The following PARM1 variants were observed in gnomAD, a reference collection of about 807,000 sequenced individuals.
PARM1 encodes WSC4, cell wall integrity and stress response component 4 homolog.
In PARM1, 14 loss-of-function variants were observed where a neutral mutation model predicts 24.6. That is an observed-to-expected ratio of 0.57 (90% CI 0.38 to 0.89). The LOEUF (loss-of-function observed/expected upper bound fraction) is 0.89, where lower values mean the gene tolerates loss of function less well. Ranked by LOEUF, PARM1 falls within the 40% of genes least tolerant of loss-of-function variation. The pLI is 0.00. For missense variants in PARM1, 362 were observed against 380.4 expected, an observed-to-expected ratio of 0.95 and a Z score of 0.40; for synonymous variants, 179 against 156.6, an observed-to-expected ratio of 1.14 and a Z score of -1.07.
intron 1 of PARM1, among the ~76,000 whole-genome samples, chr4:74,934,373 G>A (rs146803245): frequency 4.6e-3 from 705 of 152,260 alleles, no homozygotes; most frequent in African/African-American, 0.016. Context: ...GATTCTACTC[G>A]TGCTTTAGTC....
At chr4:74,987,536 T>G (rs1038956239) in intron 1 of PARM1, among the ~76,000 whole-genome samples, 7 of 152,246 alleles carry the variant, frequency 4.6e-5, no homozygotes, top group Non-Finnish European at 8.8e-5. Flanking sequence ...TAAAAACTTC[T>G]TTTAAATTTG....
At chr4:74,998,532 C>T (rs1722618298) in intron 1 of PARM1, among the ~76,000 whole-genome samples, 1 of 152,196 alleles carries the variant, frequency 6.6e-6, no homozygotes, top group South Asian at 2.1e-4. Flanking sequence ...TTACCCACAA[C>T]ATCTCTTACA....
At chr4:74,934,992 T>C (rs1165844902) in intron 1 of PARM1, among the ~76,000 whole-genome samples, 85 of 10,874 alleles carry the variant, frequency 7.8e-3, no homozygotes, top group Non-Finnish European at 6.8e-3. Context: ...AGAAGCTCTT[T>C]TTTCTTTTTT....
intron 1 of PARM1, among the ~76,000 whole-genome samples, chr4:74,941,598 A>G (rs1483652327): frequency 6.6e-6 from 1 of 152,224 alleles, no homozygotes; most frequent in Non-Finnish European, 1.5e-5. Context: ...TCAAATTTAT[A>G]TGAATATAGT....
chr4:74,998,490 C>G (rs1053538245), intron 1 of PARM1, among the ~76,000 whole-genome samples: 4 of 152,118 alleles, frequency 2.6e-5, no homozygotes, highest in Non-Finnish European at 5.9e-5. Flanking sequence ...ATCCAGTTTC[C>G]CTTGTTACTT....
intron 2 of PARM1, among the ~76,000 whole-genome samples, chr4:75,013,796 A>G (rs571848068): frequency 4.6e-5 from 7 of 152,230 alleles, no homozygotes; most frequent in African/African-American, 1.4e-4. Flanking sequence ...ATCTGTTTTT[A>G]TTTTCCCAAT....
intron 2 of PARM1, among the ~76,000 whole-genome samples, chr4:75,022,911 G>A (rs1723114808): frequency 6.6e-6 from 1 of 152,200 alleles, no homozygotes; most frequent in African/African-American, 2.4e-5. Context: ...TATAATAGAT[G>A]CTAACTTAAT....
At position 75,046,199 on chromosome 4, in the gene PARM1, C is replaced by T. The variant is rs746316855; in HGVS notation, c.885C>T (p.Asp295=). ...ATGGAAGACTTTTGGACGACCATGACTACGGGTCCTGGGGAAACTACAACA... is the reference window on the plus strand; with the variant it reads ...ATGGAAGACTTTTGGACGACCATGATTACGGGTCCTGGGGAAACTACAACA... ...SSYGRLLDDH[D]YGSWGNYNNP... is the part of the protein sequence containing the mutation. Residue 295 remains aspartate (D), a synonymous_variant, in exon 4 of 4, where the codon GAC becomes GAT. Coordinates refer to ENST00000307428, the MANE Select transcript of PARM1 (RefSeq NM_015393.4). The T allele has an allele frequency of 2.4e-5, 38 of 1,612,956 alleles. No homozygotes were observed. The highest frequency in any genetic ancestry group is 3.1e-5 in the Non-Finnish European group (36 of 1,179,110).
intron 1 of PARM1, among the ~76,000 whole-genome samples, chr4:74,989,740 C>CTTTTGGTAAG (rs1722427277): frequency 6.6e-6 from 1 of 152,122 alleles, no homozygotes; most frequent in Non-Finnish European, 1.5e-5. Flanking sequence ...TAACCAGTCC[C>CTTTTGGTAAG]CATCCTGACT....
intron 1 of PARM1, among the ~76,000 whole-genome samples, chr4:75,000,711 C>G (rs551821271): frequency 2.0e-5 from 3 of 152,188 alleles, no homozygotes; most frequent in Admixed American, 6.5e-5. Context: ...TACAAAAGAG[C>G]CTTTAGCTTG....
chr4:75,007,907 G>C (rs1722803124), intron 1 of PARM1, among the ~76,000 whole-genome samples: 1 of 152,166 alleles, frequency 6.6e-6, no homozygotes, highest in African/African-American at 2.4e-5. Context: ...CAAGCCAGGG[G>C]GTGGGCCCTC....
intron 1 of PARM1, among the ~76,000 whole-genome samples, chr4:74,958,179 C>T (rs1468449014): frequency 6.6e-6 from 1 of 152,086 alleles, no homozygotes; most frequent in Non-Finnish European, 1.5e-5. Flanking sequence ...TCTATATAAG[C>T]CAGAGTGGTT....
At chr4:74,950,603 T>A in intron 1 of PARM1, among the ~76,000 whole-genome samples, 1 of 152,234 alleles carries the variant, frequency 6.6e-6, no homozygotes, top group East Asian at 1.9e-4. Flanking sequence ...GGGAACATGG[T>A]TCAACTTATA....
intron 3 of PARM1, among the ~76,000 whole-genome samples, chr4:75,037,851 G>A (rs955129752): frequency 1.3e-5 from 2 of 152,172 alleles, no homozygotes; most frequent in African/African-American, 4.8e-5. Flanking sequence ...TTTTAAAGAC[G>A]AAATGAAGTA....
chr4:75,024,688 G>C (rs906944102), intron 2 of PARM1, among the ~76,000 whole-genome samples: 3 of 152,056 alleles, frequency 2.0e-5, no homozygotes, highest in African/African-American at 2.4e-5. Flanking sequence ...TTTCCCTTTA[G>C]TTTTTTGTTT....
intron 1 of PARM1, among the ~76,000 whole-genome samples, chr4:74,964,482 T>C (rs1009084125): frequency 6.6e-6 from 1 of 152,072 alleles, no homozygotes; most frequent in African/African-American, 2.4e-5. Context: ...TTGCAAATAT[T>C]GCTCCCTCAG....
At chr4:74,948,252 A>G (rs1721445478) in intron 1 of PARM1, among the ~76,000 whole-genome samples, 3 of 152,202 alleles carry the variant, frequency 2.0e-5, no homozygotes. Context: ...GTCAAATTGA[A>G]CTGCAGAAAC....
At chr4:75,029,347 G>A (rs1443975169) in intron 2 of PARM1, among the ~76,000 whole-genome samples, 2 of 152,198 alleles carry the variant, frequency 1.3e-5, no homozygotes, top group Non-Finnish European at 1.5e-5. Context: ...TGGTTTGGCT[G>A]TGTGTCCCCA....
At chr4:74,984,419 G>A (rs1443561259) in intron 1 of PARM1, among the ~76,000 whole-genome samples, 1 of 152,164 alleles carries the variant, frequency 6.6e-6, no homozygotes, top group Admixed American at 6.5e-5. Flanking sequence ...CCTGAAGGTG[G>A]AGGAGTTCAA....
Sources: allele counts gnomAD v4.1 joint callset (sites outside exome capture counted in the v4.1 genomes callset), GRCh38; gene constraint gnomAD v4.1.1; transcripts MANE v1.5; gene names NCBI Gene and HGNC (gene_info 2026-07-23, HGNC 2026-07-21).